GRM7: variants seen among roughly 807,000 people sequenced by gnomAD.
GRM7 encodes glutamate metabotropic receptor 7, also known as metabotropic glutamate receptor 7.
In GRM7, 35 loss-of-function variants were observed where a neutral mutation model predicts 84.5. That is an observed-to-expected ratio of 0.41 (90% confidence interval 0.32 to 0.55). The LOEUF (loss-of-function observed/expected upper bound fraction) is 0.55, where lower values mean the gene tolerates loss of function less well. Among genes scored for constraint, GRM7 ranks in the 20% least tolerant of loss-of-function variants. The pLI, the probability that GRM7 is intolerant of heterozygous loss-of-function variation, is 0.19. For missense variants in GRM7, 1,003 were observed against 1,194.6 expected (o/e 0.84, Z 2.36); for synonymous variants, 487 against 455.1 (o/e 1.07, Z -0.89).
intron 8 of GRM7, among the ~76,000 whole-genome samples, chr3:7,638,098 C>T (rs1016138706): frequency 2.0e-5 from 3 of 152,160 alleles, no homozygotes; most frequent in Non-Finnish European, 4.4e-5. Flanking sequence ...ATGAGTTCAA[C>T]AATTATCTAC....
At chr3:7,696,537 A>G (rs1008540878) in intron 9 of GRM7, among the ~76,000 whole-genome samples, 1 of 152,212 alleles carries the variant, frequency 6.6e-6, no homozygotes, top group Non-Finnish European at 1.5e-5. Flanking sequence ...CAGAAAAGCC[A>G]AATTAAATAT....
intron 2 of GRM7, among the ~76,000 whole-genome samples, chr3:7,149,702 C>T (rs555824429): frequency 6.6e-5 from 10 of 152,238 alleles, no homozygotes; most frequent in African/African-American, 2.2e-4. Flanking sequence ...ACAATTTTGA[C>T]ACATGCTTTA....
chr3:7,025,088 A>G (rs895367529), intron 1 of GRM7, among the ~76,000 whole-genome samples: 1 of 152,148 alleles, frequency 6.6e-6, no homozygotes, highest in African/African-American at 2.4e-5. Flanking sequence ...TGTCATCAAA[A>G]CCAGCAATGG....
intron 1 of GRM7, among the ~76,000 whole-genome samples, chr3:6,995,459 G>C (rs1307253428): frequency 6.6e-6 from 1 of 152,184 alleles, no homozygotes; most frequent in Non-Finnish European, 1.5e-5. Context: ...AGGTGTTGAG[G>C]TTGTTACAGC....
chr3:7,736,093 A>G (rs1161931501), intron 9 of GRM7, among the ~76,000 whole-genome samples: 3 of 152,174 alleles, frequency 2.0e-5, no homozygotes, highest in Non-Finnish European at 2.9e-5. Context: ...ATTAAATGCT[A>G]TCTTATTAAT....
intron 8 of GRM7, among the ~76,000 whole-genome samples, chr3:7,596,625 A>ATTGTT (rs1404781811): frequency 6.6e-6 from 1 of 152,152 alleles, no homozygotes; most frequent in African/African-American, 2.4e-5. Flanking sequence ...GGAATGAACC[A>ATTGTT]TTGTTTTTCA....
chr3:6,868,188 A>G (rs1415871859), intron 1 of GRM7, among the ~76,000 whole-genome samples: 1 of 152,198 alleles, frequency 6.6e-6, no homozygotes, highest in Non-Finnish European at 1.5e-5. Flanking sequence ...TGATTCTCAT[A>G]GCCCAAAGTC....
chr3:7,394,486 A>G (rs1280161003), intron 4 of GRM7, among the ~76,000 whole-genome samples: 1 of 152,208 alleles, frequency 6.6e-6, no homozygotes. Context: ...AAAGACATAT[A>G]GTTCTCGTTG....
chr3:7,350,718 C>A (rs900863112), intron 4 of GRM7, among the ~76,000 whole-genome samples: 3 of 152,080 alleles, frequency 2.0e-5, no homozygotes, highest in African/African-American at 7.2e-5. Context: ...TTTTTCTCCT[C>A]CTTTTAGTGA....
intron 1 of GRM7, among the ~76,000 whole-genome samples, chr3:6,967,342 C>T (rs1463242463): frequency 6.6e-6 from 1 of 151,942 alleles, no homozygotes; most frequent in East Asian, 1.9e-4. Flanking sequence ...ATAGGCATGC[C>T]CCACCAAGCC....
chr3:6,963,259 G>T (rs1267201681), intron 1 of GRM7, among the ~76,000 whole-genome samples: 1 of 152,158 alleles, frequency 6.6e-6, no homozygotes, highest in Non-Finnish European at 1.5e-5. Context: ...GAAGTTTTAG[G>T]TTCTGAAGAA....
At chr3:7,436,608 T>A (rs1300011286) in intron 5 of GRM7, among the ~76,000 whole-genome samples, 1 of 152,216 alleles carries the variant, frequency 6.6e-6, no homozygotes, top group African/African-American at 2.4e-5. Context: ...AAAGCAACTC[T>A]GAATTCTGTC....
chr3:6,861,462 T>C lies in GRM7; in HGVS notation c.74T>C (p.Leu25Pro). Residue 25 changes from leucine to proline, a missense_variant, in exon 1 of 10, where the codon CTG becomes CCG. Physicochemically the swap from Leu to Pro is moderately conservative, Grantham distance 98. Around this residue, in one of 2 missense-constraint regions of GRM7, gnomAD observed 93 missense variants for 68.6 expected, o/e 1.36. Transcript: ENST00000357716. The surrounding 1 kb of genome is among the most constrained non-coding windows in gnomAD (Gnocchi z 6.4). Reference protein sequence around the residue: ...KFPCCVLEVLLCALAAAARGQ... With the variant: ...KFPCCVLEVLPCALAAAARGQ... ...CCCTGCTGCGTGCTGGAGGTGCTCC[T>C]GTGCGCGCTGGCGGCGGCGGCGCGC... The C allele has an allele frequency of 6.7e-7, 1 of 1,481,924 alleles. No homozygotes were observed. The highest frequency in any genetic ancestry group is 9.1e-7 in the Non-Finnish European group (1 of 1,103,302). 91.8% of individuals were successfully genotyped at this position (1,481,924 alleles called of 1,614,324 possible).
chr3:7,369,180 G>C (rs923989263), intron 4 of GRM7, among the ~76,000 whole-genome samples: 2 of 152,006 alleles, frequency 1.3e-5, no homozygotes, highest in African/African-American at 4.8e-5. Flanking sequence ...ACAGCCTCCG[G>C]AGTAGCCAGA....
At chr3:7,392,931 G>T (rs993728110) in intron 4 of GRM7, among the ~76,000 whole-genome samples, 1 of 152,092 alleles carries the variant, frequency 6.6e-6, no homozygotes, top group African/African-American at 2.4e-5. Context: ...TTCCACATGG[G>T]TCCTTGGCTG....
Position 6,991,356 on chromosome 3 carries a change from C to A in GRM7, c.519+129449C>A, listed in dbSNP as rs186501346. Among the ~76,000 whole-genome samples, 14 of 152,302 alleles carry A rather than the reference C, an allele frequency of 9.2e-5. No individual in the cohort carries two copies. In the East Asian group the frequency reaches 2.7e-3, roughly 29 times the overall value. Reference sequence around the variant, plus strand: ...CCACCGGACTGATTGCTTTCAGCAACCTTTGGACCTAATCCCTAGAGCTAA... The same window carrying A: ...CCACCGGACTGATTGCTTTCAGCAAACTTTGGACCTAATCCCTAGAGCTAA... On this transcript the variant is annotated intron_variant, in intron 1 of 9. Coordinates refer to ENST00000357716, the MANE Select transcript of GRM7 (RefSeq NM_000844.4).
At chr3:7,098,878 ATTCT>A (rs1186398461) in intron 1 of GRM7, among the ~76,000 whole-genome samples, 5 of 151,940 alleles carry the variant, frequency 3.3e-5, no homozygotes, top group South Asian at 2.1e-4. Context: ...TAGATAAATA[ATTCT>A]TTCTTTCTCC....
chr3:7,079,755 C>A (rs1013636108), intron 1 of GRM7, among the ~76,000 whole-genome samples: 2 of 152,018 alleles, frequency 1.3e-5, no homozygotes, highest in African/African-American at 4.8e-5. Flanking sequence ...TGAATAGAGG[C>A]CCTGGATCAT....
intron 9 of GRM7, among the ~76,000 whole-genome samples, chr3:7,730,114 C>T (rs1278654738): frequency 6.7e-6 from 1 of 148,758 alleles, no homozygotes; most frequent in Admixed American, 6.6e-5. Flanking sequence ...ACCTTATGAT[C>T]TGCCCACCTT....
Sources: gnomAD v4.1 joint callset for allele counts (sites outside exome capture counted in the v4.1 genomes callset) on GRCh38, gnomAD v4.1.1 for gene constraint, gnomAD v4.1.1 regional missense constraint, Gnocchi (gnomAD v3.1) non-coding constraint, MANE v1.5 for transcripts, NCBI Gene and HGNC (gene_info 2026-07-23, HGNC 2026-07-21) for gene names.